The following KIAA1217 variants were observed in gnomAD, a reference collection of about 807,000 sequenced individuals.
The protein encoded by KIAA1217 is KIAA1217.
In KIAA1217, 88 loss-of-function variants were observed where a neutral mutation model predicts 163.9. The observed-to-expected ratio is 0.54, with a 90% CI of 0.45 to 0.64. The LOEUF (loss-of-function observed/expected upper bound fraction) is 0.64, where lower values mean the gene tolerates loss of function less well. Ranked by LOEUF, KIAA1217 falls within the 30% of genes least tolerant of loss-of-function variation. The probability of loss-of-function intolerance (pLI) is 0.00; values close to 1 mark genes in which losing one functional copy is unlikely to be tolerated. For synonymous variants in KIAA1217, 903 were observed against 923.1 expected (o/e 0.98, Z 0.39); for missense variants, 2,372 against 2,475.0 (o/e 0.96, Z 0.88).
chr10:23,942,877 G>C (rs1432896908), intron 1 of KIAA1217, among the ~76,000 whole-genome samples: 1 of 151,592 alleles, frequency 6.6e-6, no homozygotes, highest in Non-Finnish European at 1.5e-5. Flanking sequence ...CAAGGCCAAG[G>C]TGAGAGCATC....
intron 6 of KIAA1217, among the ~76,000 whole-genome samples, chr10:24,488,572 C>A (rs948420497): frequency 1.3e-5 from 2 of 152,152 alleles, no homozygotes; most frequent in African/African-American, 4.8e-5. Context: ...GTTTGGGGAA[C>A]AATGTCTTTA....
At chr10:24,269,714 G>A (rs1004167759) in intron 2 of KIAA1217, among the ~76,000 whole-genome samples, 2 of 152,130 alleles carry the variant, frequency 1.3e-5, no homozygotes, top group Admixed American at 6.5e-5. Flanking sequence ...ATTGGTTTTT[G>A]TTCTTGCAAC....
At chr10:23,918,747 C>G (rs1388315323) in intron 1 of KIAA1217, among the ~76,000 whole-genome samples, 1 of 151,904 alleles carries the variant, frequency 6.6e-6, no homozygotes, top group Non-Finnish European at 1.5e-5. Flanking sequence ...CACACACACA[C>G]ACACACACAC....
At chr10:24,438,571 C>A in intron 5 of KIAA1217, 92 bp downstream of exon 5, 1 of 856,354 alleles carries the variant, frequency 1.2e-6, no homozygotes. Context: ...AACTCTACAA[C>A]TGAGTTTTGG....
In KIAA1217 at chr10:24,068,645, T is replaced by C. The variant is rs535680641; in HGVS notation, c.-171+61271T>C. ...GACATCAACCCAGCTAAAACCTCTGTTGGCCTCTCAAATCTTTGTGCTACT... is the reference window on the plus strand; with the variant it reads ...GACATCAACCCAGCTAAAACCTCTGCTGGCCTCTCAAATCTTTGTGCTACT... On this transcript the variant is annotated intron_variant, in intron 2 of 18. Transcript: ENST00000376462. Among the ~76,000 whole-genome samples the C allele has an allele frequency of 1.4e-3, 208 of 152,352 alleles. 1 individual carries two copies. Among genetic ancestry groups the C allele is most frequent in the African/African-American group, 4.8e-3 (199 of 41,584 alleles).
chr10:24,519,773 C>T (rs1257058414), intron 10 of KIAA1217, among the ~76,000 whole-genome samples: 1 of 152,136 alleles, frequency 6.6e-6, no homozygotes, highest in African/African-American at 2.4e-5. Flanking sequence ...CTCTTTCTCC[C>T]TCTCTCTCCT....
At chr10:23,703,162 C>T (rs963812277) in intron 1 of KIAA1217, among the ~76,000 whole-genome samples, 3 of 151,846 alleles carry the variant, frequency 2.0e-5, no homozygotes, top group Admixed American at 2.0e-4. Context: ...CTGGGCGCTT[C>T]TCCTTCTCAG....
chr10:24,443,069 C>T (rs1343046556), intron 5 of KIAA1217, among the ~76,000 whole-genome samples: 1 of 152,074 alleles, frequency 6.6e-6, no homozygotes, highest in African/African-American at 2.4e-5. Context: ...CACCACTATA[C>T]CTGGCTAATT....
chr10:24,524,538 C>T lies in KIAA1217; in HGVS notation c.2672C>T (p.Pro891Leu). ...GMMVRHAQSS[P>L]VVIQPSQHSV... ...ATGGTTCGCCACGCGCAGAGCTCCC[C>T]TGTGGTCATCCAGCCCTCCCAGCAC... Residue 891 changes from proline to leucine, a missense_variant, in exon 13 of 21, where the codon CCT becomes CTT. Around this residue, in one of 3 missense-constraint regions of KIAA1217, gnomAD observed 1,431 missense variants for 1,470.3 expected, o/e 0.97. Coordinates refer to ENST00000376454, the MANE Select transcript of KIAA1217 (RefSeq NM_019590.5). The T allele has an allele frequency of 6.2e-7, 1 of 1,614,006 alleles. No individual in the cohort carries two copies. Among genetic ancestry groups the T allele is most frequent in the East Asian group, 2.2e-5 (1 of 44,864 alleles).
intron 2 of KIAA1217, among the ~76,000 whole-genome samples, chr10:24,292,870 A>G (rs997777038): frequency 4.7e-5 from 7 of 149,470 alleles, no homozygotes; most frequent in African/African-American, 2.4e-5. Flanking sequence ...CCTGGATTAG[A>G]AAAAAAAAAG....
At chr10:23,746,633 CA>C (rs1175636383) in intron 1 of KIAA1217, among the ~76,000 whole-genome samples, 2 of 151,962 alleles carry the variant, frequency 1.3e-5, no homozygotes, top group African/African-American at 4.8e-5. Flanking sequence ...CCGTGTTAGC[CA>C]GGATGGTCCC....
At position 23,927,307 on chromosome 10, in the gene KIAA1217, C is replaced by T. The variant is rs149951284; in HGVS notation, c.-320-79918C>T. Among the ~76,000 whole-genome samples the T allele has an allele frequency of 5.7e-3, 852 of 148,642 alleles. 8 individuals carry two copies. The highest frequency in any genetic ancestry group is 0.014 in the Middle Eastern group (4 of 292). The stretch of plus-strand genomic sequence containing the variant: ...TAGTTCCATTTTCTCTCACAAGGCT[C>T]ACCCTAGCAAGTCATAGGGTGTGTG... On this transcript the variant is annotated intron_variant, in intron 1 of 18. Coordinates refer to the KIAA1217 transcript ENST00000376462.
In KIAA1217 at chr10:23,765,187, C is replaced by CTTTTTTTTTTTTTTTTT. The variant is rs67342339; in HGVS notation, c.-321+69962_-321+69978dup. ...TCTTTTGTTTTCCCTTTTTTGTTCT[C>CTTTTTTTTTTTTTTTTT]TTTTTTTTTTTTTTTTTTTTTTTTT... is the stretch of plus-strand genomic sequence containing the variant. On this transcript the variant is annotated intron_variant, in intron 1 of 18. Transcript: ENST00000376462. Among the ~76,000 whole-genome samples the CTTTTTTTTTTTTTTTTT allele has an allele frequency of 4.9e-4, 37 of 75,354 alleles. 3 individuals carry two copies. The highest frequency in any genetic ancestry group is 1.2e-3 in the African/African-American group (21 of 17,146). The allele number at this position is 75,354 out of a possible 152,430, so 49.4% of individuals were successfully genotyped here.
intron 2 of KIAA1217, among the ~76,000 whole-genome samples, chr10:24,039,575 G>T (rs1848540234): frequency 6.6e-6 from 1 of 152,152 alleles, no homozygotes; most frequent in Non-Finnish European, 1.5e-5. Context: ...TTCTGGGCAG[G>T]TTTAAGGCAG....
At chr10:23,717,515 G>A (rs1195214805) in intron 1 of KIAA1217, among the ~76,000 whole-genome samples, 2 of 151,958 alleles carry the variant, frequency 1.3e-5, no homozygotes, top group African/African-American at 2.4e-5. Context: ...ACCCCAACAT[G>A]GAATATACAT....
chr10:24,465,836 C>T (rs952390221), intron 5 of KIAA1217, among the ~76,000 whole-genome samples: 3 of 152,288 alleles, frequency 2.0e-5, no homozygotes, highest in South Asian at 4.1e-4. Flanking sequence ...CCTACCTTCT[C>T]GTCCTTCATC....
intron 1 of KIAA1217, among the ~76,000 whole-genome samples, chr10:24,006,414 T>C (rs1478830351): frequency 6.6e-6 from 1 of 152,198 alleles, no homozygotes. Context: ...CAAATTTCTA[T>C]TGGGAAAAAT....
At chr10:24,188,408 G>A (rs958306377) in intron 2 of KIAA1217, among the ~76,000 whole-genome samples, 18 of 152,172 alleles carry the variant, frequency 1.2e-4, no homozygotes, top group South Asian at 2.1e-4. Flanking sequence ...AATTCTCAGG[G>A]GTAGAGGATC....
intron 1 of KIAA1217, among the ~76,000 whole-genome samples, chr10:23,781,939 T>C (rs1835277637): frequency 6.6e-6 from 1 of 152,202 alleles, no homozygotes; most frequent in Admixed American, 6.5e-5. Flanking sequence ...TGTCTGTTTT[T>C]ATGCCAGTAC....
Sources: gnomAD v4.1 joint callset for allele counts (sites outside exome capture counted in the v4.1 genomes callset) on GRCh38, gnomAD v4.1.1 for gene constraint, gnomAD v4.1.1 regional missense constraint, MANE v1.5 for transcripts, NCBI Gene and HGNC (gene_info 2026-07-23, HGNC 2026-07-21) for gene names.